CRACD: variants seen among roughly 807,000 people sequenced by gnomAD.
CRACD encodes capping protein-inhibiting regulator of actin dynamics.
In CRACD, 56 loss-of-function variants were observed where a neutral mutation model predicts 106.8. The observed-to-expected ratio is 0.52, with a 90% CI of 0.42 to 0.66. CRACD has a LOEUF of 0.66. CRACD is among the 30% of genes least tolerant of loss of function. CRACD has a pLI of 0.00. For missense variants in CRACD, 1,730 were observed against 1,623.2 expected (o/e 1.07, Z -1.13); for synonymous variants, 754 against 670.8 (o/e 1.12, Z -1.92).
At chr4:56,058,768 A>T (rs1389207179) in intron 1 of CRACD, among the ~76,000 whole-genome samples, 1 of 152,204 alleles carries the variant, frequency 6.6e-6, no homozygotes, top group East Asian at 1.9e-4. Flanking sequence ...TGTTTACTTT[A>T]TGCAGCTTCT....
At chr4:56,050,281 T>A (rs1731832479) in intron 1 of CRACD, among the ~76,000 whole-genome samples, 1 of 102,432 alleles carries the variant, frequency 9.8e-6, no homozygotes, top group African/African-American at 4.3e-5. Context: ...GGAGTGTGTG[T>A]GTGTGTGTGT....
intron 1 of CRACD, among the ~76,000 whole-genome samples, chr4:56,138,357 G>C (rs1397484082): frequency 6.6e-6 from 1 of 152,000 alleles, no homozygotes; most frequent in Non-Finnish European, 1.5e-5. Flanking sequence ...TCAGCTTCTT[G>C]GGAGGCTAAA....
rs73163659 is a variant in CRACD at position 56,302,200 on chromosome 4, C to A, written c.120+3851C>A. 7.3e-4 allele frequency among the ~76,000 whole-genome samples: 111 copies of A among 152,342 alleles called. 1 individual carries two copies. The highest frequency in any genetic ancestry group is 2.6e-3 in the African/African-American group (109 of 41,584). The stretch of plus-strand genomic sequence containing the variant: ...CGATCTCTATACAATCACTATTGAA[C>A]TGCTGTAGCATGGAGCGGCTTCAGA... On this transcript the variant is annotated intron_variant, in intron 4 of 10. Transcript: ENST00000682029.
intron 1 of CRACD, among the ~76,000 whole-genome samples, chr4:56,152,543 G>T (rs552451717): frequency 2.6e-5 from 4 of 151,972 alleles, no homozygotes; most frequent in Admixed American, 2.6e-4. Flanking sequence ...CAGAGGCTGA[G>T]GTGGGAGAAT....
At chr4:56,077,082 T>C (rs1357902286) in intron 1 of CRACD, among the ~76,000 whole-genome samples, 1 of 152,232 alleles carries the variant, frequency 6.6e-6, no homozygotes, top group Non-Finnish European at 1.5e-5. Flanking sequence ...AACAGTGTGA[T>C]ATTAGTCCAT....
intron 3 of CRACD, among the ~76,000 whole-genome samples, chr4:56,280,013 A>G (rs1172070413): frequency 1.3e-5 from 2 of 151,816 alleles, no homozygotes; most frequent in African/African-American, 4.8e-5. Flanking sequence ...TGAAGCTGGA[A>G]ACCATCATTC....
chr4:56,238,706 G>T (rs1740156646), intron 2 of CRACD, among the ~76,000 whole-genome samples: 1 of 152,170 alleles, frequency 6.6e-6, no homozygotes, highest in African/African-American at 2.4e-5. Flanking sequence ...TCCTGAAACT[G>T]CTAAAGAAGG....
intron 2 of CRACD, among the ~76,000 whole-genome samples, chr4:56,231,821 C>T (rs1739638587): frequency 6.6e-6 from 1 of 152,172 alleles, no homozygotes; most frequent in African/African-American, 2.4e-5. Flanking sequence ...TTTTCAAAAA[C>T]TCATCAAGTG....
intron 1 of CRACD, among the ~76,000 whole-genome samples, chr4:56,168,128 AT>A (rs1023314490): frequency 6.6e-6 from 1 of 152,212 alleles, no homozygotes; most frequent in Non-Finnish European, 1.5e-5. Flanking sequence ...AGTATAGACA[AT>A]TTTGCCATGT....
intron 2 of CRACD, among the ~76,000 whole-genome samples, chr4:56,190,212 T>C (rs1737307468): frequency 6.6e-6 from 1 of 152,034 alleles, no homozygotes; most frequent in African/African-American, 2.4e-5. Flanking sequence ...CTTAATCCAG[T>C]CTATCATTGT....
intron 2 of CRACD, among the ~76,000 whole-genome samples, chr4:56,271,221 T>C (rs1045336291): frequency 2.0e-4 from 30 of 151,512 alleles, no homozygotes; most frequent in Admixed American, 4.0e-4. Flanking sequence ...TGGTAGAGGG[T>C]GACTTACACT....
At chr4:56,233,897 A>G (rs1341111194) in intron 2 of CRACD, among the ~76,000 whole-genome samples, 2 of 152,218 alleles carry the variant, frequency 1.3e-5, no homozygotes, top group Non-Finnish European at 2.9e-5. Flanking sequence ...TTCAGTGTAC[A>G]GATCTTTCAC....
At chr4:56,190,670 A>G (rs1478344549) in intron 2 of CRACD, among the ~76,000 whole-genome samples, 3 of 152,098 alleles carry the variant, frequency 2.0e-5, no homozygotes, top group Admixed American at 6.5e-5. Flanking sequence ...CCTCCTCCCT[A>G]GCTGCTTTCA....
At chr4:56,136,573 C>G (rs533556788) in intron 1 of CRACD, among the ~76,000 whole-genome samples, 1 of 152,078 alleles carries the variant, frequency 6.6e-6, no homozygotes, top group Non-Finnish European at 1.5e-5. Flanking sequence ...AGTGTCAAGT[C>G]TTTTGCCCAT....
intron 1 of CRACD, among the ~76,000 whole-genome samples, chr4:56,164,225 C>T (rs1020939224): frequency 3.3e-5 from 5 of 151,758 alleles, no homozygotes; most frequent in Admixed American, 6.6e-5. Flanking sequence ...AGCTCCACCT[C>T]CCAGGTTCAC....
chr4:56,239,380 T>C (rs1740223534), intron 2 of CRACD, among the ~76,000 whole-genome samples: 1 of 152,062 alleles, frequency 6.6e-6, no homozygotes, highest in South Asian at 2.1e-4. Context: ...TTTTAGAGGT[T>C]ATTTTTATTT....
chr4:56,113,566 A>G, intron 1 of CRACD, among the ~76,000 whole-genome samples: 1 of 151,964 alleles, frequency 6.6e-6, no homozygotes, highest in East Asian at 1.9e-4. Flanking sequence ...TTAGAGGGGA[A>G]ATGAGGGAGC....
At chr4:56,244,732 A>C (rs1740584787) in intron 2 of CRACD, among the ~76,000 whole-genome samples, 1 of 152,212 alleles carries the variant, frequency 6.6e-6, no homozygotes, top group African/African-American at 2.4e-5. Flanking sequence ...CTGGCCCAGA[A>C]GTGGGCCTCC....
At chr4:56,156,533 T>A (rs754636779) in intron 1 of CRACD, among the ~76,000 whole-genome samples, 1 of 152,246 alleles carries the variant, frequency 6.6e-6, no homozygotes, top group Non-Finnish European at 1.5e-5. Flanking sequence ...CATTTGAAAG[T>A]ACTTTGTGAC....
Sources: allele counts gnomAD v4.1 joint callset (sites outside exome capture counted in the v4.1 genomes callset), GRCh38; gene constraint gnomAD v4.1.1; transcripts MANE v1.5; gene names NCBI Gene and HGNC (gene_info 2026-07-23, HGNC 2026-07-21).